LONP2: variants seen among roughly 807,000 people sequenced by gnomAD.
LONP2 encodes the protein lon protease homolog 2, peroxisomal.
In LONP2, 60 loss-of-function variants were observed where a neutral mutation model predicts 85.6. That is an observed-to-expected ratio of 0.70 (90% confidence interval 0.57 to 0.87). LONP2 has a LOEUF of 0.87. Ranked by LOEUF, LONP2 falls within the 40% of genes least tolerant of loss-of-function variation. LONP2 has a pLI of 0.00. For missense variants in LONP2, 860 were observed against 1,063.5 expected (o/e 0.81, Z 2.66); for synonymous variants, 395 against 389.7 (o/e 1.01, Z -0.16).
At chr16:48,284,135 T>A (rs1482386142) in intron 8 of LONP2, among the ~76,000 whole-genome samples, 1 of 152,052 alleles carries the variant, frequency 6.6e-6, no homozygotes, top group African/African-American at 2.4e-5. Context: ...AGATGAGGAG[T>A]TGCTTCTTAC....
rs755723915 is a variant in LONP2 at position 48,347,695 on chromosome 16, G to A, written c.2127G>A (p.Lys709=). 1.9e-6 allele frequency: 3 copies of A among 1,613,586 alleles called. No homozygotes were observed. Among genetic ancestry groups the A allele is most frequent in the South Asian group, 1.1e-5 (1 of 91,052 alleles). ...LAISWLRSNA[K]KYQLTNAFGS... is the part of the protein sequence containing the mutation. The stretch of plus-strand genomic sequence containing the variant: ...TCAGCTGGCTCCGCAGCAACGCAAA[G>A]AAGTACCAGCTGACCAATGGTAGGA... Residue 709 remains lysine (K), a synonymous_variant, in exon 13 of 15, where the codon AAG becomes AAA. Coordinates refer to ENST00000285737, the MANE Select transcript of LONP2 (RefSeq NM_031490.5).
Position 48,347,489 on chromosome 16 carries a change from C to T in LONP2, c.1939-18C>T. 6.2e-7 allele frequency: 1 copy of T among 1,613,798 alleles called. No homozygotes were observed. The highest frequency in any genetic ancestry group is 8.5e-7 in the Non-Finnish European group (1 of 1,179,698). Reference sequence around the variant, plus strand: ...TAGCATTTGCCAACCCAACTCTGATCATTCTTCTTCTTTCAAGGTATCTCA... The same window carrying T: ...TAGCATTTGCCAACCCAACTCTGATTATTCTTCTTCTTTCAAGGTATCTCA... On this transcript the variant is annotated intron_variant, in intron 12 of 14. Transcript: ENST00000285737.
At chr16:48,312,182 A>C (rs1442389852) in intron 11 of LONP2, among the ~76,000 whole-genome samples, 1 of 151,896 alleles carries the variant, frequency 6.6e-6, no homozygotes, top group Non-Finnish European at 1.5e-5. Context: ...GCCTCAAGTG[A>C]TCCATCCACC....
Position 48,334,199 on chromosome 16 carries a change from A to G in LONP2, c.1796-17A>G. ...CAAATCTCTTAGAACTTCTAAATAC[A>G]TTTTTTTTTCTTTTAGGTTGCAGAG... On this transcript the variant is annotated splice_polypyrimidine_tract_variant and intron_variant, in intron 11 of 14. Transcript: ENST00000285737. 1.3e-6 allele frequency: 2 copies of G among 1,596,364 alleles called. No homozygotes were observed. The highest frequency in any genetic ancestry group is 2.2e-5 in the South Asian group (2 of 89,746).
rs542752302 is a variant in LONP2, at chr16:48,331,669, A to G, written c.1796-2547A>G. 9.7e-4 allele frequency among the ~76,000 whole-genome samples: 144 copies of G among 148,756 alleles called. 1 individual carries two copies. Among genetic ancestry groups the G allele is most frequent in the Middle Eastern group, 3.5e-3 (1 of 284 alleles). The stretch of plus-strand genomic sequence containing the variant: ...AAGCTCTGCCTCCCGGGTTCACGCC[A>G]TTCTCCTGCCTCAGCCTCCCGAGTA... On this transcript the variant is annotated intron_variant, in intron 11 of 14. Transcript: ENST00000285737.
chr16:48,276,310 A>C (rs1034379850), intron 7 of LONP2, among the ~76,000 whole-genome samples: 1 of 152,096 alleles, frequency 6.6e-6, no homozygotes, highest in Non-Finnish European at 1.5e-5. Flanking sequence ...GTCCTACTTT[A>C]TACCAGTCAT....
chr16:48,327,168 G>A (rs189089956), intron 11 of LONP2, among the ~76,000 whole-genome samples: 9 of 152,294 alleles, frequency 5.9e-5, no homozygotes, highest in East Asian at 1.9e-4. Context: ...GGGAAACTCC[G>A]TGGTTATGCC....
At chr16:48,360,584 A>AT (rs761279463), downstream of LONP2, 1 of 152,652 alleles carries the variant, frequency 6.6e-6, no homozygotes, top group East Asian at 1.9e-4. Context: ...GACCAAAAAC[A>AT]TTTTTTGCAA....
intron 12 of LONP2, chr16:48,344,580 T>C (rs890330824): frequency 3.9e-5 from 6 of 152,202 alleles, no homozygotes; most frequent in African/African-American, 9.6e-5. Context: ...AAATGGGGAA[T>C]ATTGGAAACT....
At chr16:48,299,583 A>G in intron 9 of LONP2, 79 bp from the exon 10 acceptor site, 1 of 863,786 alleles carries the variant, frequency 1.2e-6, no homozygotes. Context: ...CTCTGTCTCT[A>G]AAAAAAAAAA....
Position 48,321,372 on chromosome 16 carries a change from C to T in LONP2, c.1796-12844C>T, listed in dbSNP as rs147858881. ...ATACAGGAAATGAGATTTATTAATACATAAAACCCACTGAAAACAGGGGTG... is the reference window on the plus strand; with the variant it reads ...ATACAGGAAATGAGATTTATTAATATATAAAACCCACTGAAAACAGGGGTG... On this transcript the variant is annotated intron_variant, in intron 11 of 14. Transcript: ENST00000285737. Among the ~76,000 whole-genome samples the T allele has an allele frequency of 2.0e-3, 308 of 152,276 alleles. 3 individuals carry two copies. In the East Asian group the frequency reaches 0.031, roughly 15 times the overall value.
rs535976088 is a variant in LONP2 at position 48,332,919 on chromosome 16, A to G, written c.1796-1297A>G. On this transcript the variant is annotated intron_variant, in intron 11 of 14. Transcript: ENST00000285737. ...CGAGACTCTGTCTCAAAAAATATAG[A>G]TAGATAGACAATGTTAGATAACTGC... Among the ~76,000 whole-genome samples, 6 of 143,632 alleles carry G rather than the reference A, an allele frequency of 4.2e-5. No homozygotes were observed. The South Asian group carries it at 6.3e-4, about 15-fold the overall frequency. The allele number at this position is 143,632 out of a possible 152,430, so 94.2% of individuals were successfully genotyped here.
At chr16:48,303,812 G>C (rs145455246) in intron 11 of LONP2, among the ~76,000 whole-genome samples, 1 of 152,136 alleles carries the variant, frequency 6.6e-6, no homozygotes, top group Non-Finnish European at 1.5e-5. Flanking sequence ...GAAGAACTTC[G>C]AGTCCAATAT....
intron 8 of LONP2, among the ~76,000 whole-genome samples, chr16:48,294,880 T>C (rs1285236446): frequency 1.3e-5 from 2 of 152,226 alleles, no homozygotes; most frequent in Admixed American, 1.3e-4. Context: ...TATTGCCTTT[T>C]TGAATATGTA....
chr16:48,359,283 T>A (rs549976326), downstream of LONP2, among the ~76,000 whole-genome samples: 1 of 152,186 alleles, frequency 6.6e-6, no homozygotes. Context: ...TTGAAAGATA[T>A]TGGGAGCCCT....
chr16:48,328,852 T>TG (rs1429016874), intron 11 of LONP2, among the ~76,000 whole-genome samples: 2 of 131,118 alleles, frequency 1.5e-5, no homozygotes, highest in Non-Finnish European at 3.3e-5. Flanking sequence ...GGAGGGGCGG[T>TG]GGGGGGAGCG....
intron 3 of LONP2, among the ~76,000 whole-genome samples, chr16:48,258,073 C>T (rs1971797521): frequency 6.6e-6 from 1 of 152,076 alleles, no homozygotes; most frequent in South Asian, 2.1e-4. Context: ...TTCGGCCGGG[C>T]GCAGTGGCCC....
chr16:48,314,550 C>G (rs1012053763), intron 11 of LONP2, among the ~76,000 whole-genome samples: 1 of 152,046 alleles, frequency 6.6e-6, no homozygotes, highest in African/African-American at 2.4e-5. Flanking sequence ...TTTCCCAGCA[C>G]CATTTATTAA....
intron 12 of LONP2, among the ~76,000 whole-genome samples, chr16:48,339,727 G>T (rs1227805694): frequency 6.6e-6 from 1 of 152,134 alleles, no homozygotes; most frequent in Non-Finnish European, 1.5e-5. Flanking sequence ...GATACCTTTT[G>T]CAGGATATTA....
Sources: allele counts gnomAD v4.1 joint callset (sites outside exome capture counted in the v4.1 genomes callset), GRCh38; gene constraint gnomAD v4.1.1; transcripts MANE v1.5; gene names NCBI Gene and HGNC (gene_info 2026-07-23, HGNC 2026-07-21).